The following GRID2 variants were observed in gnomAD, a reference collection of about 807,000 sequenced individuals.
The protein encoded by GRID2 is glutamate receptor ionotropic, delta-2.
A neutral mutation model predicts 114.8 loss-of-function variants in GRID2; 33 were observed. That is an observed-to-expected ratio of 0.29 (90% confidence interval 0.22 to 0.38). GRID2 has a LOEUF of 0.38. Ranked by LOEUF, GRID2 falls within the 10% of genes least tolerant of loss-of-function variation. The pLI is 1.00. For synonymous variants in GRID2, 505 were observed against 449.9 expected, an observed-to-expected ratio of 1.12 and a Z score of -1.55; for missense variants, 1,184 against 1,257.7, an observed-to-expected ratio of 0.94 and a Z score of 0.89.
At chr4:93,676,510 C>T (rs188475712) in intron 14 of GRID2, among the ~76,000 whole-genome samples, 43 of 152,182 alleles carry the variant, frequency 2.8e-4, no homozygotes, top group Admixed American at 1.2e-3. Flanking sequence ...ACCCATTTTC[C>T]GTGGCTTCTG....
chr4:93,158,174 A>T (rs1413777633), intron 4 of GRID2, among the ~76,000 whole-genome samples: 1 of 151,796 alleles, frequency 6.6e-6, no homozygotes, highest in Non-Finnish European at 1.5e-5. Context: ...CTTTTCTGCC[A>T]CTAGAGGGAA....
intron 1 of GRID2, among the ~76,000 whole-genome samples, chr4:92,550,166 G>C (rs1314758504): frequency 6.6e-6 from 1 of 152,082 alleles, no homozygotes; most frequent in Non-Finnish European, 1.5e-5. Context: ...AAAATGCTTT[G>C]TTCCAGTACT....
At chr4:93,004,215 A>G (rs1040171146) in intron 2 of GRID2, among the ~76,000 whole-genome samples, 1 of 151,970 alleles carries the variant, frequency 6.6e-6, no homozygotes, top group Non-Finnish European at 1.5e-5. Context: ...CAGTGACCAA[A>G]AAAAGTCTTT....
At chr4:92,418,039 A>G (rs1237846771) in intron 1 of GRID2, among the ~76,000 whole-genome samples, 1 of 152,164 alleles carries the variant, frequency 6.6e-6, no homozygotes, top group Non-Finnish European at 1.5e-5. Context: ...AGTCGTGTGT[A>G]TGTTTTTATT....
intron 1 of GRID2, among the ~76,000 whole-genome samples, chr4:92,527,161 G>T (rs1386988450): frequency 6.6e-6 from 1 of 152,042 alleles, no homozygotes; most frequent in Non-Finnish European, 1.5e-5. Context: ...TCTAGTTACA[G>T]TCTATCACTC....
At chr4:93,108,357 C>G (rs963992508) in intron 3 of GRID2, among the ~76,000 whole-genome samples, 3 of 152,120 alleles carry the variant, frequency 2.0e-5, no homozygotes, top group African/African-American at 7.2e-5. Context: ...TAATATTCAA[C>G]AAATGTTTTT....
chr4:92,619,178 A>G (rs1730151224), intron 2 of GRID2, among the ~76,000 whole-genome samples: 1 of 151,706 alleles, frequency 6.6e-6, no homozygotes, highest in Admixed American at 6.6e-5. Context: ...CTTTGCTGAT[A>G]GGTCAGTGGA....
intron 14 of GRID2, among the ~76,000 whole-genome samples, chr4:93,670,243 A>G (rs1358810115): frequency 6.6e-6 from 1 of 152,190 alleles, no homozygotes; most frequent in Non-Finnish European, 1.5e-5. Context: ...CATGTCAAAG[A>G]TCATTTCTAT....
intron 2 of GRID2, among the ~76,000 whole-genome samples, chr4:92,612,343 A>G (rs2149229951): frequency 6.6e-6 from 1 of 151,558 alleles, no homozygotes; most frequent in African/African-American, 2.4e-5. Flanking sequence ...TGCTAGTACC[A>G]TATTGTAGCT....
chr4:93,330,207 T>C (rs1758284820), intron 8 of GRID2, among the ~76,000 whole-genome samples: 1 of 152,178 alleles, frequency 6.6e-6, no homozygotes, highest in Non-Finnish European at 1.5e-5. Flanking sequence ...AATAACATAG[T>C]AGTGCATGTG....
intron 11 of GRID2, among the ~76,000 whole-genome samples, chr4:93,478,155 C>CA (rs1725498712): frequency 6.6e-6 from 1 of 151,788 alleles, no homozygotes; most frequent in African/African-American, 2.4e-5. Context: ...GCTAGAGTAA[C>CA]AAAAACATTG....
At chr4:93,310,879 G>T (rs1204722781) in intron 8 of GRID2, among the ~76,000 whole-genome samples, 2 of 152,138 alleles carry the variant, frequency 1.3e-5, no homozygotes, top group African/African-American at 4.8e-5. Context: ...GCAAACAGTA[G>T]AGTTATTTAT....
intron 2 of GRID2, among the ~76,000 whole-genome samples, chr4:92,818,948 A>T (rs1043356471): frequency 6.6e-6 from 1 of 151,958 alleles, no homozygotes; most frequent in Non-Finnish European, 1.5e-5. Context: ...AATTTTTCTC[A>T]TTTTTAAATA....
intron 14 of GRID2, among the ~76,000 whole-genome samples, chr4:93,759,852 C>T (rs1158335426): frequency 6.6e-6 from 1 of 152,166 alleles, no homozygotes; most frequent in African/African-American, 2.4e-5. Context: ...GAGTAGCAGA[C>T]TCTCAGTTTA....
chr4:93,626,347 T>G lies in GRID2; in HGVS notation c.2272T>G (p.Phe758Val), dbSNP rs763769202. 3 of 1,604,100 alleles carry G rather than the reference T, an allele frequency of 1.9e-6. No homozygotes were observed. Among genetic ancestry groups the G allele is most frequent in the Non-Finnish European group, 2.6e-6 (3 of 1,171,112 alleles). The change falls in exon 14 of 16, where the codon TTT becomes GTT. Residue 758 changes from phenylalanine (F) to valine (V), a missense_variant. Transcript: ENST00000282020. ...GGCTATCAATGACCCAGATTGTTCC[T>G]TTTACACCATTGGAAATACTGTTGC... The part of the protein sequence containing the change: ...YVAINDPDCS[F>V]YTIGNTVADR...
intron 14 of GRID2, among the ~76,000 whole-genome samples, chr4:93,648,281 G>C (rs1198424646): frequency 6.6e-6 from 1 of 152,122 alleles, no homozygotes; most frequent in Non-Finnish European, 1.5e-5. Context: ...TAAGATGGAG[G>C]AAAGAAATAT....
At chr4:93,253,844 T>C (rs904740874) in intron 8 of GRID2, among the ~76,000 whole-genome samples, 1 of 152,160 alleles carries the variant, frequency 6.6e-6, no homozygotes, top group Admixed American at 6.6e-5. Context: ...TATCAATTAT[T>C]ATGTTCATGA....
At chr4:92,681,263 A>G (rs1733634053) in intron 2 of GRID2, among the ~76,000 whole-genome samples, 1 of 152,154 alleles carries the variant, frequency 6.6e-6, no homozygotes, top group Non-Finnish European at 1.5e-5. Context: ...ATTGTTGAAG[A>G]CAAAGGGAAA....
chr4:92,973,922 A>C (rs890874567), intron 2 of GRID2, among the ~76,000 whole-genome samples: 8 of 152,158 alleles, frequency 5.3e-5, no homozygotes, highest in Non-Finnish European at 4.4e-5. Flanking sequence ...AATGGGAGAA[A>C]ATTTTTGCAA....
Sources: allele counts gnomAD v4.1 joint callset (sites outside exome capture counted in the v4.1 genomes callset), GRCh38; gene constraint gnomAD v4.1.1; transcripts MANE v1.5; gene names NCBI Gene and HGNC (gene_info 2026-07-23, HGNC 2026-07-21).